The following FYCO1 variants were observed in gnomAD, a reference collection of about 807,000 sequenced individuals.
The protein encoded by FYCO1 is FYVE and coiled-coil domain-containing protein 1.
In FYCO1, 122 loss-of-function variants were observed where a neutral mutation model predicts 165.1. The observed-to-expected ratio is 0.74, with a 90% CI of 0.64 to 0.86. FYCO1 has a LOEUF of 0.86. Ranked by LOEUF, FYCO1 falls within the 40% of genes least tolerant of loss-of-function variation. The pLI, the probability that FYCO1 is intolerant of heterozygous loss-of-function variation, is 0.00. For synonymous variants in FYCO1, 648 were observed against 742.5 expected (o/e 0.87, Z 2.07); for missense variants, 1,702 against 1,810.3 (o/e 0.94, Z 1.09).
intron 13 of FYCO1, 121 bp downstream of exon 13, chr3:45,958,287 C>A (rs1413718281): frequency 3.5e-6 from 3 of 846,920 alleles, no homozygotes; most frequent in East Asian, 2.6e-5. Context: ...TTTAGCACCT[C>A]TTTAATACCT....
At chr3:45,983,322 CCTCAGTTAAGGACA>C (rs1707144874) in intron 2 of FYCO1, among the ~76,000 whole-genome samples, 1 of 152,174 alleles carries the variant, frequency 6.6e-6, no homozygotes, top group African/African-American at 2.4e-5. Context: ...CACAAAGATG[CCTCAGTTAAGGACA>C]CTCCACTCTC....
Position 45,968,169 on chromosome 3 carries a change from G to A in FYCO1, c.1165C>T (p.Gln389Ter). 6.2e-7 allele frequency: 1 copy of A among 1,614,064 alleles called. No individual in the cohort carries two copies. The highest frequency in any genetic ancestry group is 8.5e-7 in the Non-Finnish European group (1 of 1,180,022). ...GCCGCATCACTGGGAATAGGTTCTT[G>A]CCGGCCCTTTGTGTCTGATGCCGTA... ...ADTASDTKGR[Q>*]EPIPSDAAQE... Residue 389 changes from glutamine (Q) to a stop codon, truncating the protein, a stop_gained, in exon 8 of 18, where the codon CAA becomes TAA. Coordinates refer to ENST00000296137, the MANE Select transcript of FYCO1 (RefSeq NM_024513.4). LOFTEE classifies it high-confidence loss of function.
In FYCO1 at chr3:45,973,351, G is replaced by A. The variant is rs1299573359; in HGVS notation, c.396-120C>T. 1.4e-5 allele frequency: 13 copies of A among 929,070 alleles called. No homozygotes were observed. In the East Asian group the frequency reaches 2.6e-4, roughly 19 times the overall value. The allele number at this position is 929,070 out of a possible 1,614,324, so 57.6% of individuals were successfully genotyped here. ...CAGGTTACTAAATTAAAAGACACAGGCACACAAACCAATTTCATTTTCATG... is the reference window on the plus strand; with the variant it reads ...CAGGTTACTAAATTAAAAGACACAGACACACAAACCAATTTCATTTTCATG... On this transcript the variant is annotated intron_variant, in intron 5 of 17. Coordinates refer to ENST00000296137, the MANE Select transcript of FYCO1 (RefSeq NM_024513.4).
At chr3:45,972,990 C>G (rs1706528304) in intron 6 of FYCO1, 98 bp downstream of exon 6, 1 of 1,316,668 alleles carries the variant, frequency 7.6e-7, no homozygotes, top group Non-Finnish European at 1.1e-6. Flanking sequence ...GTGTAATTTA[C>G]TGAGCAAGCA....
chr3:45,968,213 A>G lies in FYCO1; in HGVS notation c.1121T>C (p.Met374Thr), dbSNP rs139604029. 425 of 1,613,768 alleles carry G rather than the reference A, an allele frequency of 2.6e-4. No homozygotes were observed. The highest frequency in any genetic ancestry group is 2.7e-4 in the Non-Finnish European group (321 of 1,180,024). The part of the protein sequence containing the change: ...HLASFPGWLA[M>T]AQQKADTASD... ...TGCCGTATCTGCCTTCTGCTGAGCC[A>G]TGGCTAGCCAGCCTGGGAAGCTGGC... The change falls in exon 8 of 18, where the codon ATG (methionine) becomes ACG (threonine). Residue 374 changes from methionine to threonine, a missense_variant. Transcript: ENST00000296137.
chr3:45,927,006 G>T (rs555930758), intron 16 of FYCO1, among the ~76,000 whole-genome samples: 2 of 151,806 alleles, frequency 1.3e-5, no homozygotes, highest in Admixed American at 1.3e-4. Context: ...ACAGCAGAAG[G>T]TACATCCTTT....
intron 15 of FYCO1, among the ~76,000 whole-genome samples, chr3:45,933,951 C>T (rs13066516): frequency 0.089 from 13,504 of 151,754 alleles, 1,006 homozygotes; most frequent in South Asian, 0.35. Flanking sequence ...TAAAAAAGTA[C>T]CAAATGGAAA....
chr3:45,975,370 C>A (rs1189375679), intron 4 of FYCO1, 25 bp from the exon 5 acceptor site: 2 of 1,558,626 alleles, frequency 1.3e-6, no homozygotes, highest in East Asian at 2.2e-5. Flanking sequence ...TTACATAGAG[C>A]CAAAGAGCTG....
At position 45,965,096 on chromosome 3, in the gene FYCO1, C is replaced by T. The variant is rs758340453; in HGVS notation, c.3087G>A (p.Arg1029=). The change falls in exon 9 of 18, where the codon AGG becomes AGA. Residue 1029 remains arginine, a synonymous_variant. Transcript: ENST00000296137. ...GCCGGCCTTGCTCCTCAAGCTGGCCCCTGAGGCTCTTGCACTCTTCACCAG... is the reference window on the plus strand; with the variant it reads ...GCCGGCCTTGCTCCTCAAGCTGGCCTCTGAGGCTCTTGCACTCTTCACCAG... The part of the protein sequence containing the change: ...KNAGEECKSL[R]GQLEEQGRQL... The T allele has an allele frequency of 4.3e-6, 7 of 1,614,016 alleles. No homozygotes were observed. The East Asian group carries it at 1.3e-4, about 31-fold the overall frequency.
chr3:45,926,495 A>G (rs1703324694), intron 16 of FYCO1, among the ~76,000 whole-genome samples: 1 of 152,266 alleles, frequency 6.6e-6, no homozygotes, highest in South Asian at 2.1e-4. Context: ...CAGAGCTTCA[A>G]AATACATGAT....
chr3:45,959,161 A>T (rs1266234407), intron 12 of FYCO1, among the ~76,000 whole-genome samples: 1 of 151,840 alleles, frequency 6.6e-6, no homozygotes, highest in Non-Finnish European at 1.5e-5. Flanking sequence ...GGGCCCCCTA[A>T]CTCCATCCAC....
chr3:45,981,921 C>T (rs1419439877), intron 2 of FYCO1, among the ~76,000 whole-genome samples: 1 of 152,206 alleles, frequency 6.6e-6, no homozygotes, highest in Non-Finnish European at 1.5e-5. Flanking sequence ...CCTTGTCTGT[C>T]CACCACCCAG....
chr3:45,965,176 A>AG, intron 8 of FYCO1, 51 bp from the exon 9 acceptor site: 3 of 1,401,952 alleles, frequency 2.1e-6, no homozygotes, highest in Non-Finnish European at 3.0e-6. Flanking sequence ...CCTTGCTCTG[A>AG]GGATCCCTCA....
At chr3:45,939,501 C>A (rs1433903585) in intron 14 of FYCO1, among the ~76,000 whole-genome samples, 1 of 152,164 alleles carries the variant, frequency 6.6e-6, no homozygotes, top group Non-Finnish European at 1.5e-5. Context: ...ATGGCCTCAG[C>A]CTGTTTGTTA....
chr3:45,966,987 C>A lies in FYCO1; in HGVS notation c.2347G>T (p.Gly783Trp), dbSNP rs376610174. 10 of 1,613,250 alleles carry A rather than the reference C, an allele frequency of 6.2e-6. No homozygotes were observed. The highest frequency in any genetic ancestry group is 1.3e-5 in the African/African-American group (1 of 75,058). ...LSQAQLEVHQ[G>W]EVQRLQAQVV... ...TGAGCCTGCAGCCGTTGGACCTCCC[C>A]CTGATGGACTTCCAGCTGCGCCTGA... Residue 783 changes from glycine to tryptophan, a missense_variant, in exon 8 of 18, where the codon GGG becomes TGG. Gly to Trp is a radical substitution (Grantham distance 184). Transcript: ENST00000296137.
At chr3:45,924,559 T>C (rs1703231240) in intron 16 of FYCO1, among the ~76,000 whole-genome samples, 1 of 152,184 alleles carries the variant, frequency 6.6e-6, no homozygotes, top group Non-Finnish European at 1.5e-5. Context: ...GACACAGGCC[T>C]CATTTTAAAA....
Position 45,966,887 on chromosome 3 carries a change from G to C in FYCO1, c.2447C>G (p.Ala816Gly). ...TTTGTGCTCCCTCAGGACGGCCTCA[G>C]CCATGCTTAGCTGGCTCTGCACCTT... ...QDKVQSQLSM[A>G]EAVLREHKTL... is the part of the protein sequence containing the mutation. Residue 816 changes from alanine (A) to glycine (G), a missense_variant, in exon 8 of 18, where the codon GCT becomes GGT. Ala to Gly is a moderately conservative substitution (Grantham distance 60). Coordinates refer to ENST00000296137, the MANE Select transcript of FYCO1 (RefSeq NM_024513.4). 6.2e-7 allele frequency: 1 copy of C among 1,613,482 alleles called. No homozygotes were observed. Among genetic ancestry groups the C allele is most frequent in the Non-Finnish European group, 8.5e-7 (1 of 1,180,038 alleles).
intron 16 of FYCO1, among the ~76,000 whole-genome samples, chr3:45,929,771 G>A (rs60779624): frequency 0.21 from 32,472 of 152,156 alleles, 3,573 homozygotes; most frequent in East Asian, 0.3. Flanking sequence ...AGGGAGTAGA[G>A]TTACATTTTG....
chr3:45,930,265 C>T (rs958890580), intron 16 of FYCO1, among the ~76,000 whole-genome samples: 1 of 152,170 alleles, frequency 6.6e-6, no homozygotes, highest in African/African-American at 2.4e-5. Context: ...CTCCCATATC[C>T]CTCTACACCC....
Sources: gnomAD v4.1 joint callset for allele counts (sites outside exome capture counted in the v4.1 genomes callset) on GRCh38, gnomAD v4.1.1 for gene constraint, MANE v1.5 for transcripts, NCBI Gene and HGNC (gene_info 2026-07-23, HGNC 2026-07-21) for gene names.